The following QTMAN variants were observed in gnomAD, a reference collection of about 807,000 sequenced individuals.
The protein encoded by QTMAN is queuosine-tRNA mannosyltransferase.
the QTMAN span, among the ~76,000 whole-genome samples, chr2:144,009,007 A>C: frequency 6.6e-6 from 1 of 152,062 alleles, no homozygotes. Flanking sequence ...AAAATGAGGC[A>C]CATGGGCACA....
the QTMAN span, among the ~76,000 whole-genome samples, chr2:144,232,633 TTC>T: frequency 6.6e-6 from 1 of 152,184 alleles, no homozygotes. Context: ...TAAAAACATA[TTC>T]TGACTATTAA....
chr2:144,055,200 T>C, the QTMAN span, among the ~76,000 whole-genome samples: 1 of 152,254 alleles, frequency 6.6e-6, no homozygotes, highest in Non-Finnish European at 1.5e-5. Flanking sequence ...TAAATATTTA[T>C]TGTTGCTAAG....
the QTMAN span, among the ~76,000 whole-genome samples, chr2:144,073,430 A>G: frequency 6.6e-6 from 1 of 152,242 alleles, no homozygotes; most frequent in Middle Eastern, 3.4e-3. Flanking sequence ...TTTTGGATCA[A>G]CTTCAAGGGA....
the QTMAN span, among the ~76,000 whole-genome samples, chr2:144,250,111 C>T: frequency 1.1e-4 from 17 of 148,212 alleles, no homozygotes; most frequent in South Asian, 2.8e-3. Context: ...ATCACACTGC[C>T]GTGGTTTTTG....
chr2:144,079,581 A>T, the QTMAN span, among the ~76,000 whole-genome samples: 2 of 152,072 alleles, frequency 1.3e-5, no homozygotes, highest in African/African-American at 2.4e-5. Context: ...GAATGTTTAC[A>T]CTGTTATGGG....
chr2:144,009,178 C>A, the QTMAN span, among the ~76,000 whole-genome samples: 3 of 151,796 alleles, frequency 2.0e-5, no homozygotes, highest in Non-Finnish European at 4.4e-5. Context: ...CGCTTTCTTG[C>A]AAAGCTGAGG....
At chr2:144,249,791 A>G in the QTMAN span, among the ~76,000 whole-genome samples, 1 of 152,204 alleles carries the variant, frequency 6.6e-6, no homozygotes, top group Non-Finnish European at 1.5e-5. Context: ...AATGTCAGGG[A>G]TAATACCAAC....
At chr2:143,950,454 A>G in the QTMAN span, among the ~76,000 whole-genome samples, 1 of 151,706 alleles carries the variant, frequency 6.6e-6, no homozygotes, top group Non-Finnish European at 1.5e-5. Context: ...TGAAATGGTT[A>G]AAAATTTGCA....
the QTMAN span, among the ~76,000 whole-genome samples, chr2:144,213,068 A>G: frequency 6.6e-6 from 1 of 152,200 alleles, no homozygotes; most frequent in East Asian, 1.9e-4. Flanking sequence ...TCATACAAAC[A>G]TTTTGACCAA....
the QTMAN span, among the ~76,000 whole-genome samples, chr2:143,970,302 T>G: frequency 1.3e-5 from 2 of 152,186 alleles, no homozygotes; most frequent in Non-Finnish European, 2.9e-5. Context: ...AATACCAATG[T>G]GAGCAGGATT....
At chr2:144,331,440 AG>A in the QTMAN span, among the ~76,000 whole-genome samples, 1 of 151,662 alleles carries the variant, frequency 6.6e-6, no homozygotes, top group South Asian at 2.1e-4. Flanking sequence ...GAGCCACGGC[AG>A]CCGGGGCTGC....
the QTMAN span, among the ~76,000 whole-genome samples, chr2:144,309,260 T>C: frequency 1.3e-5 from 2 of 152,218 alleles, no homozygotes; most frequent in Non-Finnish European, 2.9e-5. Flanking sequence ...AATTTTACTA[T>C]TGAGTAATCA....
At chr2:144,178,288 T>C in the QTMAN span, 2 of 152,180 alleles carry the variant, frequency 1.3e-5, no homozygotes, top group Non-Finnish European at 2.9e-5. Context: ...TCCACCATTT[T>C]GGGTTGCTAT....
At chr2:144,166,549 C>T in the QTMAN span, among the ~76,000 whole-genome samples, 10 of 152,324 alleles carry the variant, frequency 6.6e-5, no homozygotes, top group Admixed American at 3.9e-4. Flanking sequence ...TATACACACA[C>T]ATACACATAT....
chr2:144,242,704 G>A, the QTMAN span, among the ~76,000 whole-genome samples: 3 of 152,156 alleles, frequency 2.0e-5, no homozygotes, highest in Non-Finnish European at 4.4e-5. Context: ...GCTCACGCCT[G>A]TAATCCCAGC....
chr2:144,056,729 G>C, the QTMAN span, among the ~76,000 whole-genome samples: 1 of 152,220 alleles, frequency 6.6e-6, no homozygotes. Context: ...ACAAGAATAA[G>C]GAGAGTGAAG....
the QTMAN span, among the ~76,000 whole-genome samples, chr2:144,232,537 T>G: frequency 6.6e-6 from 1 of 152,182 alleles, no homozygotes; most frequent in Non-Finnish European, 1.5e-5. Flanking sequence ...CATGAGTTTT[T>G]CTTCTCAAAG....
chr2:144,128,862 A>C, the QTMAN span, among the ~76,000 whole-genome samples: 2 of 151,986 alleles, frequency 1.3e-5, no homozygotes, highest in South Asian at 4.1e-4. Flanking sequence ...TTTTTGTCTG[A>C]TTTTTCTATT....
the QTMAN span, among the ~76,000 whole-genome samples, chr2:144,211,998 C>G: frequency 9.9e-5 from 15 of 152,266 alleles, no homozygotes; most frequent in South Asian, 2.1e-4. Context: ...GTGCTAACTC[C>G]AAACCAAGGA....
Sources: gnomAD v4.1 joint callset for allele counts (sites outside exome capture counted in the v4.1 genomes callset) on GRCh38, gnomAD v4.1.1 for gene constraint, MANE v1.5 for transcripts, NCBI Gene and HGNC (gene_info 2026-07-23, HGNC 2026-07-21) for gene names.